SPAG17: variants seen among roughly 807,000 people sequenced by gnomAD.
The protein encoded by SPAG17 is sperm associated antigen 17.
SPAG17 carries 169 observed loss-of-function variants against 273.6 expected under a neutral mutation model. That is an observed-to-expected ratio of 0.62 (90% CI 0.55 to 0.70). SPAG17 has a LOEUF of 0.70. Ranked by LOEUF, SPAG17 falls within the 30% of genes least tolerant of loss-of-function variation. SPAG17 has a pLI of 0.00. For synonymous variants in SPAG17, 825 were observed against 873.2 expected (o/e 0.94, Z 0.97); for missense variants, 2,557 against 2,627.8 (o/e 0.97, Z 0.59).
At position 118,086,998 on chromosome 1, in the gene SPAG17, G is replaced by A. The variant is rs1256119384; in HGVS notation, c.1370C>T (p.Thr457Ile). 4.5e-6 allele frequency: 7 copies of A among 1,565,340 alleles called. No individual in the cohort carries two copies. The highest frequency in any genetic ancestry group is 4.5e-5 in the East Asian group (2 of 44,404). The change falls in exon 11 of 49, where the codon ACT (threonine) becomes ATT (isoleucine). Residue 457 changes from threonine to isoleucine, a missense_variant. By Grantham distance (89) the Thr-to-Ile change is moderately conservative. Transcript: ENST00000336338. ...ACTGGGTGGGACGAGATCTTCTTCA[G>A]TTGCAACAACCTGTTGAAATCAACA... The part of the protein sequence containing the change: ...LHCMLEQVVA[T>I]EEDLVPPSLR...
chr1:118,068,442 C>G (rs139300399), intron 17 of SPAG17, among the ~76,000 whole-genome samples: 201 of 152,040 alleles, frequency 1.3e-3, no homozygotes, highest in African/African-American at 4.7e-3. Flanking sequence ...CCCAGAAAAC[C>G]ATTGCGTTTA....
At position 117,994,462 on chromosome 1, in the gene SPAG17, T is replaced by C. The variant is rs1657442377; in HGVS notation, c.5122A>G (p.Thr1708Ala). The change falls in exon 35 of 49, where the codon ACA (threonine) becomes GCA (alanine). Residue 1708 changes from threonine (T) to alanine (A), a missense_variant. By Grantham distance (58) the Thr-to-Ala change is moderately conservative (BLOSUM62 0). Transcript: ENST00000336338. ...GACCGGAGATTAGGAGGGACAATTG[T>C]ATCTTCCTTTTTTACTTGCCATGGT... is the stretch of plus-strand genomic sequence containing the variant. ...ASPWQVKKED[T>A]IVPPNLRSRS... 3 of 1,613,034 alleles carry C rather than the reference T, an allele frequency of 1.9e-6. No individual in the cohort carries two copies. Among genetic ancestry groups the C allele is most frequent in the African/African-American group, 1.3e-5 (1 of 74,980 alleles).
chr1:118,165,773 G>A (rs960835099), intron 1 of SPAG17, among the ~76,000 whole-genome samples: 2 of 148,998 alleles, frequency 1.3e-5, no homozygotes, highest in African/African-American at 5.0e-5. Context: ...AGCCTCCCAA[G>A]TAGCTGGAAC....
intron 48 of SPAG17, chr1:117,960,118 G>A (rs575332165): frequency 6.9e-6 from 1 of 144,422 alleles, no homozygotes; most frequent in African/African-American, 2.7e-5. Flanking sequence ...TCGTGTGTGT[G>A]TGTGTGTGTG....
chr1:118,064,749 AAAAAT>A (rs919204665), intron 18 of SPAG17, among the ~76,000 whole-genome samples: 13 of 151,380 alleles, frequency 8.6e-5, no homozygotes, highest in East Asian at 3.9e-4. Flanking sequence ...TAATAAAATT[AAAAAT>A]AAAATAAAAT....
chr1:118,067,478 A>G (rs939773444), intron 17 of SPAG17, among the ~76,000 whole-genome samples: 1 of 151,830 alleles, frequency 6.6e-6, no homozygotes, highest in Non-Finnish European at 1.5e-5. Flanking sequence ...CTCCATCCCC[A>G]CTCCCTCTTA....
chr1:117,977,618 A>C (rs1655282377), intron 43 of SPAG17, among the ~76,000 whole-genome samples: 1 of 151,832 alleles, frequency 6.6e-6, no homozygotes. Flanking sequence ...ATTCCTTCCT[A>C]CTCTGAATTT....
chr1:117,991,972 A>C (rs1444971635), intron 36 of SPAG17, among the ~76,000 whole-genome samples: 1 of 152,210 alleles, frequency 6.6e-6, no homozygotes, highest in African/African-American at 2.4e-5. Context: ...ATAACTAATA[A>C]TACCCTGCTC....
At chr1:118,046,582 G>GA (rs1179055373) in intron 20 of SPAG17, among the ~76,000 whole-genome samples, 2 of 151,372 alleles carry the variant, frequency 1.3e-5, no homozygotes, top group Non-Finnish European at 2.9e-5. Flanking sequence ...CCACTAGGAG[G>GA]AAAAAAAAGG....
At chr1:117,966,021 TA>T (rs1421277092) in intron 47 of SPAG17, 1 of 152,172 alleles carries the variant, frequency 6.6e-6, no homozygotes, top group Non-Finnish European at 1.5e-5. Context: ...TAGAGAACTG[TA>T]ACACAAGCAG....
Position 118,101,835 on chromosome 1 carries a change from C to A in SPAG17, c.539G>T (p.Gly180Val). The change falls in exon 5 of 49, where the codon GGA (glycine) becomes GTA (valine). Residue 180 changes from glycine to valine, a missense_variant. By Grantham distance (109) the Gly-to-Val change is moderately radical (BLOSUM62 -3). Coordinates refer to ENST00000336338, the MANE Select transcript of SPAG17 (RefSeq NM_206996.4). ...TGCCTCAGGCTGATCCTTTCCCTTT[C>A]CTTTGGCAGGCTTGGCACTTGGAGC... ...KKAPSAKPAK[G>V]KGKDQPEANA... The A allele has an allele frequency of 6.2e-7, 1 of 1,614,038 alleles. No homozygotes were observed. Among genetic ancestry groups the A allele is most frequent in the Non-Finnish European group, 8.5e-7 (1 of 1,179,930 alleles).
chr1:118,005,266 T>G, intron 32 of SPAG17, 148 bp downstream of exon 32: 2 of 565,498 alleles, frequency 3.5e-6, no homozygotes, highest in South Asian at 7.1e-5. Flanking sequence ...TGTATTGACA[T>G]TCATTACTGC....
At chr1:118,114,169 A>T (rs758041144) in intron 4 of SPAG17, among the ~76,000 whole-genome samples, 5 of 152,154 alleles carry the variant, frequency 3.3e-5, no homozygotes, top group African/African-American at 7.2e-5. Context: ...GTCAAGTCTT[A>T]ATTACCCTGA....
chr1:118,049,161 C>G (rs920740971), intron 20 of SPAG17, among the ~76,000 whole-genome samples: 1 of 152,172 alleles, frequency 6.6e-6, no homozygotes, highest in African/African-American at 2.4e-5. Context: ...AGAACTAATA[C>G]AAATTCTTCT....
intron 48 of SPAG17, chr1:117,955,388 A>T (rs1339418007): frequency 6.2e-7 from 1 of 1,605,524 alleles, no homozygotes; most frequent in Non-Finnish European, 8.5e-7. Flanking sequence ...CAATTTTTGT[A>T]ATCTGTCAGC....
chr1:118,014,087 T>A (rs779266637), intron 29 of SPAG17, among the ~76,000 whole-genome samples: 1 of 152,228 alleles, frequency 6.6e-6, no homozygotes, highest in Non-Finnish European at 1.5e-5. Flanking sequence ...TGTTGAGGTC[T>A]ACATTCTGGC....
At chr1:118,136,208 A>C (rs1007174433) in intron 3 of SPAG17, among the ~76,000 whole-genome samples, 2 of 152,186 alleles carry the variant, frequency 1.3e-5, no homozygotes, top group Admixed American at 1.3e-4. Flanking sequence ...CTGTTTGAGA[A>C]AATGTCATGT....
rs150787728 is a variant in SPAG17 at position 118,147,303 on chromosome 1, T to C, written c.315+3240A>G. Among the ~76,000 whole-genome samples, 316 of 152,318 alleles carry C rather than the reference T, an allele frequency of 2.1e-3. 6 individuals carry two copies. The highest frequency in any genetic ancestry group is 7.3e-3 in the African/African-American group (302 of 41,566). On this transcript the variant is annotated intron_variant, in intron 3 of 48. Transcript: ENST00000336338. ...ATATTCGGTAAAACCGGCTACTATA[T>C]AATGCAGGCAATAAGCGTATATTTT... is the stretch of plus-strand genomic sequence containing the variant.
At position 118,151,566 on chromosome 1, in the gene SPAG17, C is replaced by CA. The variant is rs532560469; in HGVS notation, c.88-198dup. On this transcript the variant is annotated intron_variant, in intron 1 of 48. Transcript: ENST00000336338. ...TGTGCCAAATTTCATGCAACTTGACCAAAAAACAATTTTCTGGAGAAACTA... is the reference window on the plus strand; with the variant it reads ...TGTGCCAAATTTCATGCAACTTGACCAAAAAAACAATTTTCTGGAGAAACTA... Among the ~76,000 whole-genome samples the CA allele has an allele frequency of 2.1e-3, 317 of 152,226 alleles. 6 individuals are homozygous for CA. The highest frequency in any genetic ancestry group is 7.3e-3 in the African/African-American group (304 of 41,538).
Sources: gnomAD v4.1 joint callset for allele counts (sites outside exome capture counted in the v4.1 genomes callset) on GRCh38, gnomAD v4.1.1 for gene constraint, MANE v1.5 for transcripts, NCBI Gene and HGNC (gene_info 2026-07-23, HGNC 2026-07-21) for gene names.